KDM4B: variants seen among roughly 807,000 people sequenced by gnomAD.
KDM4B encodes lysine demethylase 4B.
In KDM4B, 32 loss-of-function variants were observed where a neutral mutation model predicts 125.2. That is an observed-to-expected ratio of 0.26 (90% CI 0.19 to 0.34). KDM4B has a LOEUF of 0.34. KDM4B is among the 10% of genes least tolerant of loss of function. The pLI is 1.00. For missense variants in KDM4B, 1,190 were observed against 1,577.7 expected (o/e 0.75, Z 4.16); for synonymous variants, 721 against 677.9 (o/e 1.06, Z -0.99).
chr19:5,120,377 C>G (rs544722939), intron 11 of KDM4B, among the ~76,000 whole-genome samples: 4 of 152,314 alleles, frequency 2.6e-5, no homozygotes, highest in Admixed American at 1.3e-4. Context: ...GATGCTGGAA[C>G]GTGCCTGCAG....
chr19:4,976,637 G>A (rs2034455978), intron 1 of KDM4B, among the ~76,000 whole-genome samples: 1 of 152,240 alleles, frequency 6.6e-6, no homozygotes, highest in Non-Finnish European at 1.5e-5. Flanking sequence ...CCGATGGGAG[G>A]GGCAGGGGAG....
intron 1 of KDM4B, among the ~76,000 whole-genome samples, chr19:5,013,592 G>A (rs1457167554): frequency 6.6e-6 from 1 of 152,138 alleles, no homozygotes; most frequent in East Asian, 1.9e-4. Context: ...AGAGGTGTCC[G>A]CATCCCTCGG....
intron 9 of KDM4B, among the ~76,000 whole-genome samples, chr19:5,083,435 A>C (rs565520649): frequency 5.9e-5 from 9 of 152,274 alleles, no homozygotes; most frequent in African/African-American, 2.2e-4. Flanking sequence ...CGGGAAGGGA[A>C]GCAGCTAGGA....
At chr19:5,020,948 A>G (rs1394030811) in intron 2 of KDM4B, among the ~76,000 whole-genome samples, 1 of 151,802 alleles carries the variant, frequency 6.6e-6, no homozygotes, top group Non-Finnish European at 1.5e-5. Flanking sequence ...GGAGTTCAAG[A>G]CCAGCCTGGT....
chr19:4,978,421 C>T (rs961311274), intron 1 of KDM4B, among the ~76,000 whole-genome samples: 6 of 135,184 alleles, frequency 4.4e-5, no homozygotes, highest in African/African-American at 1.6e-4. Context: ...GGAGGAGAAT[C>T]GCTTGAACCT....
intron 10 of KDM4B, chr19:5,112,125 CG>C: frequency 2.9e-6 from 1 of 340,630 alleles, no homozygotes; most frequent in East Asian, 6.2e-5. Context: ...TGGTGGTGTG[CG>C]CCTGTGGTCC....
At position 4,993,388 on chromosome 19, in the gene KDM4B, G is replaced by A. The variant is rs554757679; in HGVS notation, c.-108-22869G>A. Among the ~76,000 whole-genome samples the A allele has an allele frequency of 2.5e-4, 38 of 149,528 alleles. No homozygotes were observed. In the East Asian group the frequency reaches 5.0e-3, roughly 20 times the overall value. ...CACCCCACTACCCTCCAGCCTGGGC[G>A]ACAGAGTGAGACTCCATCTCAAGGG... On this transcript the variant is annotated intron_variant, in intron 1 of 22. Coordinates refer to ENST00000159111, the MANE Select transcript of KDM4B (RefSeq NM_015015.3).
At chr19:5,040,908 G>C (rs2036792761) in intron 4 of KDM4B, among the ~76,000 whole-genome samples, 1 of 152,248 alleles carries the variant, frequency 6.6e-6, no homozygotes, top group African/African-American at 2.4e-5. Flanking sequence ...GGGTGCCCCG[G>C]GCCAGGATAA....
intron 10 of KDM4B, among the ~76,000 whole-genome samples, chr19:5,117,740 ACT>A (rs2039285062): frequency 6.6e-6 from 1 of 151,278 alleles, no homozygotes; most frequent in Non-Finnish European, 1.5e-5. Context: ...TGTGTTAGTG[ACT>A]CTGGCCCCAC....
chr19:5,084,621 T>G (rs1043900793), intron 9 of KDM4B, among the ~76,000 whole-genome samples: 16 of 144,214 alleles, frequency 1.1e-4, no homozygotes, highest in Non-Finnish European at 2.4e-4. Context: ...ATAACATAAT[T>G]TATATATATA....
chr19:5,151,488 G>A lies in KDM4B; in HGVS notation c.3268G>A (p.Gly1090Ser). Residue 1090 changes from glycine to serine, a missense_variant, in exon 23 of 23, where the codon GGC (glycine) becomes AGC (serine). Physicochemically the swap from Gly to Ser is moderately conservative, Grantham distance 56. Coordinates refer to ENST00000159111, the MANE Select transcript of KDM4B (RefSeq NM_015015.3). Reference sequence around the variant, plus strand: ...CGTGGAGAGCCTCCTGCAGGTGCAGGGCCGGCCCGGAGCCCCCTTCTAGGA... The same window carrying A: ...CGTGGAGAGCCTCCTGCAGGTGCAGAGCCGGCCCGGAGCCCCCTTCTAGGA... ...AFVESLLQVQ[G>S]RPGAPF 1.4e-6 allele frequency: 2 copies of A among 1,466,290 alleles called. No homozygotes were observed. The highest frequency in any genetic ancestry group is 1.8e-6 in the Non-Finnish European group (2 of 1,106,772). The allele number at this position is 1,466,290 out of a possible 1,614,324, so 90.8% of individuals were successfully genotyped here. A position where few individuals can be genotyped will look rare whatever the true frequency, so the allele number is the denominator to read the frequency against.
rs764335907 is a variant in KDM4B, at chr19:5,135,527, C to T, written c.2274C>T (p.Ile758=). 1.7e-5 allele frequency: 27 copies of T among 1,607,600 alleles called. 1 individual carries two copies. The Middle Eastern group carries it at 8.2e-4, about 49-fold the overall frequency. Residue 758 remains isoleucine (I), a synonymous_variant, in exon 15 of 23, where the codon ATC becomes ATT. Transcript: ENST00000159111. The part of the protein sequence containing the change: ...YIGDDGTSPL[I]ACGKCCLQVH... ...GCGACGACGGGACCAGCCCCCTGATCGCCTGCGGCAAGTGCTGCCTGCAGG... is the reference window on the plus strand; with the variant it reads ...GCGACGACGGGACCAGCCCCCTGATTGCCTGCGGCAAGTGCTGCCTGCAGG...
rs1473719604 is a variant in KDM4B, at chr19:5,035,898, T to G, written c.141+2867T>G. Among the ~76,000 whole-genome samples the G allele has an allele frequency of 2.6e-5, 2 of 78,238 alleles. No homozygotes were observed. The highest frequency in any genetic ancestry group is 6.3e-5 in the Non-Finnish European group (2 of 31,548). The allele number at this position is 78,238 out of a possible 152,430, so 51.3% of individuals were successfully genotyped here. A position where few individuals can be genotyped will look rare whatever the true frequency, so the allele number is the denominator to read the frequency against. On this transcript the variant is annotated intron_variant, in intron 3 of 22. Transcript: ENST00000159111. The surrounding 1 kb of genome is among the most constrained non-coding windows in gnomAD (Gnocchi z 5.3). ...GTGTGTGTGCGCGCGCGCGCGCGCC[T>G]GCGCGCACAGGAGACTGAGGTGGGG...
Position 4,997,091 on chromosome 19 carries a change from C to G in KDM4B, c.-108-19166C>G, listed in dbSNP as rs1487443611. Among the ~76,000 whole-genome samples the G allele has an allele frequency of 6.6e-6, 1 of 152,208 alleles. No individual in the cohort carries two copies. The highest frequency in any genetic ancestry group is 1.5e-5 in the Non-Finnish European group (1 of 68,046). ...CCTCCACGCCAGCACCACCCTCAGT[C>G]GTGACAGCCATAAATGTCCCTAGAC... On this transcript the variant is annotated intron_variant, in intron 1 of 22. Coordinates refer to ENST00000159111, the MANE Select transcript of KDM4B (RefSeq NM_015015.3). The surrounding 1 kb of genome is among the most constrained non-coding windows in gnomAD (Gnocchi z 4.2).
intron 9 of KDM4B, among the ~76,000 whole-genome samples, chr19:5,092,346 A>G (rs923223193): frequency 6.6e-6 from 1 of 152,168 alleles, no homozygotes; most frequent in African/African-American, 2.4e-5. Context: ...ATCGGCAGGC[A>G]CATCCACTCC....
chr19:5,136,279 C>A (rs925674988), intron 15 of KDM4B, among the ~76,000 whole-genome samples: 2 of 152,180 alleles, frequency 1.3e-5, no homozygotes, highest in African/African-American at 4.8e-5. Flanking sequence ...TCTCAGGGAC[C>A]CCTCCCCAGT....
At chr19:5,017,306 T>C (rs2035922780) in intron 2 of KDM4B, among the ~76,000 whole-genome samples, 1 of 152,192 alleles carries the variant, frequency 6.6e-6, no homozygotes, top group Non-Finnish European at 1.5e-5. Context: ...TGGCAAACTA[T>C]GGCCCCTGGA....
chr19:4,984,617 T>C (rs1210281521), intron 1 of KDM4B, among the ~76,000 whole-genome samples: 1 of 151,780 alleles, frequency 6.6e-6, no homozygotes, highest in Non-Finnish European at 1.5e-5. Context: ...GAACTTGGAG[T>C]GTGTTGGGGA....
chr19:4,996,587 G>A (rs2035208556), intron 1 of KDM4B, among the ~76,000 whole-genome samples: 1 of 152,050 alleles, frequency 6.6e-6, no homozygotes, highest in Admixed American at 6.6e-5. Flanking sequence ...TGTTGTCCAG[G>A]CTGGAGTTTA....
Sources: gnomAD v4.1 joint callset for allele counts (sites outside exome capture counted in the v4.1 genomes callset) on GRCh38, gnomAD v4.1.1 for gene constraint, Gnocchi (gnomAD v3.1) non-coding constraint, MANE v1.5 for transcripts, NCBI Gene and HGNC (gene_info 2026-07-23, HGNC 2026-07-21) for gene names.